SH2D4A: variants seen among roughly 807,000 people sequenced by gnomAD.
The protein encoded by SH2D4A is SH2 domain containing 4A.
A neutral mutation model predicts 64.7 loss-of-function variants in SH2D4A; 70 were observed. The observed-to-expected ratio is 1.08, with a 90% CI of 0.89 to 1.32. The LOEUF (loss-of-function observed/expected upper bound fraction) is 1.32, where lower values mean the gene tolerates loss of function less well. Ranked by LOEUF, SH2D4A falls within the 40% of genes most tolerant of loss-of-function variation. The pLI is 0.00. For missense variants in SH2D4A, 706 were observed against 540.1 expected (o/e 1.31, Z -3.04); for synonymous variants, 268 against 200.7 (o/e 1.34, Z -2.83).
At position 19,396,018 on chromosome 8, in the gene SH2D4A, A is replaced by C. The variant is rs187501281; in HGVS notation, c.*1376A>C. 2 of 152,250 alleles carry C rather than the reference A, an allele frequency of 1.3e-5. No individual in the cohort carries two copies. The highest frequency in any genetic ancestry group is 2.9e-5 in the Non-Finnish European group (2 of 68,018). The allele number at this position is 152,250 out of a possible 1,614,324, so 9.4% of individuals were successfully genotyped here. ...TGGCACACATATTTGTCCCGTCAGG[A>C]ATCTTATGCCCTCCTGGAACCCCCG... On this transcript the variant is annotated 3_prime_UTR_variant, in exon 10 of 10. Transcript: ENST00000265807.
chr8:19,319,537 G>T lies in SH2D4A; in HGVS notation c.-11G>T, dbSNP rs749381735. The T allele has an allele frequency of 1.0e-5, 15 of 1,498,970 alleles. No homozygotes were observed. The Admixed American group carries it at 3.2e-4, about 32-fold the overall frequency. The allele number at this position is 1,498,970 out of a possible 1,614,324, so 92.9% of individuals were successfully genotyped here. A position where few individuals can be genotyped will look rare whatever the true frequency, so the allele number is the denominator to read the frequency against. ...TTTGCCACAAGTATAAAAGACTTCA[G>T]AAGTGCAAAGATGCTGAAACAGATA... On this transcript the variant is annotated 5_prime_UTR_variant, in exon 2 of 10. Transcript: ENST00000265807.
chr8:19,384,782 T>C (rs989140558), intron 8 of SH2D4A, among the ~76,000 whole-genome samples: 3 of 152,194 alleles, frequency 2.0e-5, no homozygotes, highest in African/African-American at 7.2e-5. Context: ...TGAAGTTCTG[T>C]CCAGAAACCC....
intron 1 of SH2D4A, chr8:19,314,112 C>A: frequency 9.2e-7 from 1 of 1,084,532 alleles, no homozygotes; most frequent in Non-Finnish European, 1.1e-6. Context: ...TGGGGGCTTG[C>A]AGGGGGTGGC....
chr8:19,338,508 A>T (rs914781625), intron 4 of SH2D4A, among the ~76,000 whole-genome samples: 2 of 152,194 alleles, frequency 1.3e-5, no homozygotes, highest in African/African-American at 4.8e-5. Flanking sequence ...TGAGTCCTTA[A>T]AGCAGAGACT....
At chr8:19,336,510 C>G (rs1020547480) in intron 4 of SH2D4A, among the ~76,000 whole-genome samples, 1 of 152,088 alleles carries the variant, frequency 6.6e-6, no homozygotes, top group Non-Finnish European at 1.5e-5. Flanking sequence ...CTTCCCACAC[C>G]CCTCCAACCA....
intron 8 of SH2D4A, 55 bp downstream of exon 8, chr8:19,373,715 C>T: frequency 6.5e-7 from 1 of 1,538,626 alleles, no homozygotes; most frequent in South Asian, 1.2e-5. Flanking sequence ...TGAAGCTGTG[C>T]TAATCTACCA....
chr8:19,321,659 T>G (rs1401382215), intron 2 of SH2D4A, among the ~76,000 whole-genome samples: 2 of 151,658 alleles, frequency 1.3e-5, no homozygotes, highest in African/African-American at 4.8e-5. Flanking sequence ...CATAACTCTT[T>G]TTCTTTCTAA....
At chr8:19,369,911 T>TCAAAAAAG (rs1268383064) in intron 7 of SH2D4A, among the ~76,000 whole-genome samples, 2 of 152,094 alleles carry the variant, frequency 1.3e-5, no homozygotes, top group Non-Finnish European at 2.9e-5. Context: ...AAATTACTTA[T>TCAAAAAAG]TTGATATCTT....
rs994140738 is a variant in SH2D4A, at chr8:19,326,476, G to C, written c.182-6479G>C. Reference sequence around the variant, plus strand: ...ACCTTGCTTCCATCAGCCCTGATGAGACCCCACTGTAGTTAATATGGAACG... The same window carrying C: ...ACCTTGCTTCCATCAGCCCTGATGACACCCCACTGTAGTTAATATGGAACG... On this transcript the variant is annotated intron_variant, in intron 2 of 9. Coordinates refer to ENST00000265807, the MANE Select transcript of SH2D4A (RefSeq NM_022071.4). 3.9e-5 allele frequency among the ~76,000 whole-genome samples: 6 copies of C among 152,170 alleles called. No homozygotes were observed. In the South Asian group the frequency reaches 1.0e-3, roughly 26 times the overall value.
At position 19,332,973 on chromosome 8, in the gene SH2D4A, A is replaced by T; in HGVS notation, c.200A>T (p.His67Leu). ...RPKKENGKSV[H>L]WKLGADKEVW... ...TTTGCAGAGAATGGCAAATCGGTTC[A>T]TTGGAAACTTGGAGCTGATAAGGAA... The change falls in exon 3 of 10, where the codon CAT (histidine) becomes CTT (leucine). Residue 67 changes from histidine to leucine, a missense_variant. Transcript: ENST00000265807. 1.2e-6 allele frequency: 2 copies of T among 1,612,032 alleles called. No individual in the cohort carries two copies. Among genetic ancestry groups the T allele is most frequent in the Non-Finnish European group, 1.7e-6 (2 of 1,179,640 alleles).
chr8:19,376,515 G>A (rs1387520135), intron 8 of SH2D4A, among the ~76,000 whole-genome samples: 2 of 152,074 alleles, frequency 1.3e-5, no homozygotes, highest in South Asian at 2.1e-4. Flanking sequence ...CTAGCTACTC[G>A]GGAGGCTGAG....
intron 2 of SH2D4A, among the ~76,000 whole-genome samples, chr8:19,327,272 C>T (rs2052297028): frequency 6.6e-6 from 1 of 152,124 alleles, no homozygotes; most frequent in Non-Finnish European, 1.5e-5. Context: ...AAGAGAAACC[C>T]TGTAATTAAA....
intron 8 of SH2D4A, among the ~76,000 whole-genome samples, chr8:19,374,108 T>C (rs2053156182): frequency 6.6e-6 from 1 of 152,214 alleles, no homozygotes; most frequent in Admixed American, 6.5e-5. Flanking sequence ...AGCCTCATTT[T>C]CCCCATCTGT....
At position 19,395,038 on chromosome 8, in the gene SH2D4A, A is replaced by G. The variant is rs2053565373; in HGVS notation, c.*396A>G. 1 of 153,726 alleles carries G rather than the reference A, an allele frequency of 6.5e-6. No homozygotes were observed. The highest frequency in any genetic ancestry group is 1.4e-5 in the Non-Finnish European group (1 of 69,162). The allele number at this position is 153,726 out of a possible 1,614,324, so 9.5% of individuals were successfully genotyped here. ...CTCAGGAGGTTTCAGGGGCCTGTTG[A>G]CATGAAGTTTCGAAGTTTCATGTTG... On this transcript the variant is annotated 3_prime_UTR_variant, in exon 10 of 10. Coordinates refer to ENST00000265807, the MANE Select transcript of SH2D4A (RefSeq NM_022071.4).
At chr8:19,355,489 G>C (rs542247756) in intron 4 of SH2D4A, among the ~76,000 whole-genome samples, 5 of 152,302 alleles carry the variant, frequency 3.3e-5, no homozygotes, top group African/African-American at 9.6e-5. Flanking sequence ...AATAGCAATT[G>C]TGAAACCTAC....
rs867856119 is a variant in SH2D4A at position 19,391,380 on chromosome 8, G to A, written c.1049-1938G>A. Among the ~76,000 whole-genome samples the A allele has an allele frequency of 1.1e-4, 16 of 152,254 alleles. No individual in the cohort carries two copies. In the East Asian group the frequency reaches 3.1e-3, roughly 29 times the overall value. On this transcript the variant is annotated intron_variant, in intron 8 of 9. Transcript: ENST00000265807. The stretch of plus-strand genomic sequence containing the variant: ...GGCTTTCTGTGTCCATGGTACCTAC[G>A]GTGTTCCATGGGTCTGTCTCAGCAG...
chr8:19,383,665 C>T (rs1311114539), intron 8 of SH2D4A, among the ~76,000 whole-genome samples: 2 of 151,924 alleles, frequency 1.3e-5, no homozygotes, highest in African/African-American at 4.8e-5. Context: ...TATAGGCTTT[C>T]TCTATGTCAA....
intron 4 of SH2D4A, among the ~76,000 whole-genome samples, chr8:19,352,882 G>T (rs1053885055): frequency 6.6e-6 from 1 of 152,076 alleles, no homozygotes; most frequent in African/African-American, 2.4e-5. Flanking sequence ...GGTAGTGCAT[G>T]CTTGTAGTCC....
chr8:19,345,516 C>G (rs147995481), intron 4 of SH2D4A, among the ~76,000 whole-genome samples: 11 of 152,180 alleles, frequency 7.2e-5, no homozygotes, highest in African/African-American at 2.7e-4. Context: ...TGGTATGTGG[C>G]AAAGTCAACT....
Sources: allele counts gnomAD v4.1 joint callset (sites outside exome capture counted in the v4.1 genomes callset), GRCh38; gene constraint gnomAD v4.1.1; transcripts MANE v1.5; gene names NCBI Gene and HGNC (gene_info 2026-07-23, HGNC 2026-07-21).